Variants in HYCC2 observed in about 807,000 individuals in gnomAD.
HYCC2 encodes the protein hyccin PI4KA lipid kinase complex subunit 2.
the HYCC2 span, among the ~76,000 whole-genome samples, chr2:200,999,722 G>T: frequency 1.3e-5 from 2 of 149,760 alleles, no homozygotes; most frequent in East Asian, 4.1e-4. Flanking sequence ...AGGGAAAAAA[G>T]GTTGCCAGAC....
At chr2:201,023,848 T>C in the HYCC2 span, 2 of 774,200 alleles carry the variant, frequency 2.6e-6, no homozygotes. Context: ...TCCTACCATA[T>C]TTTTATGTTT....
At chr2:201,011,467 G>A in the HYCC2 span, 20 of 1,553,204 alleles carry the variant, frequency 1.3e-5, no homozygotes, top group African/African-American at 6.9e-5. Context: ...CTTTATCAGC[G>A]ATTTCCTATA....
chr2:201,004,355 G>A, the HYCC2 span, among the ~76,000 whole-genome samples: 1 of 152,242 alleles, frequency 6.6e-6, no homozygotes, highest in Non-Finnish European at 1.5e-5. Flanking sequence ...GTAGCCACCT[G>A]GAGTGATCAC....
the HYCC2 span, chr2:201,023,994 G>T: frequency 5.0e-6 from 8 of 1,612,980 alleles, no homozygotes; most frequent in Non-Finnish European, 6.8e-6. Flanking sequence ...ACAACACAAC[G>T]GTCAGTTCCC....
the HYCC2 span, among the ~76,000 whole-genome samples, chr2:201,025,130 T>C: frequency 6.6e-6 from 1 of 151,526 alleles, no homozygotes; most frequent in African/African-American, 2.4e-5. Flanking sequence ...AATAAATAAA[T>C]AAATGCACTA....
At chr2:200,979,317 A>G in the HYCC2 span, 2 of 152,118 alleles carry the variant, frequency 1.3e-5, no homozygotes, top group Admixed American at 1.3e-4. Context: ...AAAACAATAA[A>G]TTGTCTACTT....
chr2:200,985,803 T>C, the HYCC2 span, among the ~76,000 whole-genome samples: 1 of 152,212 alleles, frequency 6.6e-6, no homozygotes, highest in Non-Finnish European at 1.5e-5. Flanking sequence ...AATAGGATAT[T>C]TTAATATTTT....
At chr2:201,028,929 A>AAAAGCAAT in the HYCC2 span, among the ~76,000 whole-genome samples, 2 of 150,492 alleles carry the variant, frequency 1.3e-5, no homozygotes, top group African/African-American at 2.4e-5. Context: ...CTAAAACACC[A>AAAAGCAAT]GGCAACATAA....
chr2:201,006,184 C>A, the HYCC2 span, among the ~76,000 whole-genome samples: 1 of 147,562 alleles, frequency 6.8e-6, no homozygotes, highest in Admixed American at 6.9e-5. Flanking sequence ...CTGGAGTGCA[C>A]TGGCGTGATC....
At chr2:201,018,523 T>A in the HYCC2 span, among the ~76,000 whole-genome samples, 2 of 152,144 alleles carry the variant, frequency 1.3e-5, no homozygotes, top group Non-Finnish European at 2.9e-5. Context: ...AGTTAACAAA[T>A]CCATGTCAAT....
At chr2:201,001,862 G>A in the HYCC2 span, among the ~76,000 whole-genome samples, 2 of 151,870 alleles carry the variant, frequency 1.3e-5, no homozygotes, top group African/African-American at 4.8e-5. Flanking sequence ...AGTAGAGACA[G>A]GGTCTCACCA....
At chr2:200,994,130 G>A in the HYCC2 span, among the ~76,000 whole-genome samples, 1 of 152,140 alleles carries the variant, frequency 6.6e-6, no homozygotes, top group African/African-American at 2.4e-5. Context: ...TCAAATGGAT[G>A]ATGGTGAGTA....
chr2:201,049,991 C>T, the HYCC2 span, among the ~76,000 whole-genome samples: 1 of 152,072 alleles, frequency 6.6e-6, no homozygotes, highest in East Asian at 1.9e-4. Context: ...TGAGCCACTG[C>T]ACCTGGCCTA....
chr2:200,975,089 T>G, the HYCC2 span: 2 of 151,982 alleles, frequency 1.3e-5, no homozygotes, highest in Non-Finnish European at 2.9e-5. Context: ...AACTGTGCTA[T>G]GAGGAATAAT....
the HYCC2 span, among the ~76,000 whole-genome samples, chr2:201,042,236 A>G: frequency 2.4e-3 from 364 of 152,244 alleles, 5 homozygotes; most frequent in Non-Finnish European, 1.8e-3. Context: ...GGGATTGCAG[A>G]CGGAGTCTCG....
At chr2:201,026,854 A>G in the HYCC2 span, among the ~76,000 whole-genome samples, 23 of 152,368 alleles carry the variant, frequency 1.5e-4, no homozygotes, top group African/African-American at 5.0e-4. Flanking sequence ...TGCCCACAAG[A>G]GAAAGTAGGA....
At chr2:201,043,753 C>T in the HYCC2 span, among the ~76,000 whole-genome samples, 54 of 152,068 alleles carry the variant, frequency 3.6e-4, no homozygotes, top group African/African-American at 1.3e-3. Context: ...CGTGATCCAC[C>T]CGCCTCAGCC....
chr2:200,989,597 G>C, the HYCC2 span, among the ~76,000 whole-genome samples: 2 of 152,140 alleles, frequency 1.3e-5, no homozygotes, highest in African/African-American at 4.8e-5. Context: ...CAGATCACTT[G>C]AGTCCAGGAA....
At chr2:201,041,131 T>G in the HYCC2 span, among the ~76,000 whole-genome samples, 1 of 152,202 alleles carries the variant, frequency 6.6e-6, no homozygotes, top group Non-Finnish European at 1.5e-5. Context: ...ATTACATAAG[T>G]GTTTGCTATA....
Sources: gnomAD v4.1 joint callset for allele counts (sites outside exome capture counted in the v4.1 genomes callset) on GRCh38, gnomAD v4.1.1 for gene constraint, MANE v1.5 for transcripts, NCBI Gene and HGNC (gene_info 2026-07-23, HGNC 2026-07-21) for gene names.